The following BCKDHB variants were observed in gnomAD, a reference collection of about 807,000 sequenced individuals.
BCKDHB encodes the protein 2-oxoisovalerate dehydrogenase subunit beta, mitochondrial.
A neutral mutation model predicts 48.5 loss-of-function variants in BCKDHB; 41 were observed. The observed-to-expected ratio is 0.85, with a 90% CI of 0.66 to 1.10. The LOEUF (loss-of-function observed/expected upper bound fraction) is 1.10. Ranked by LOEUF, BCKDHB falls within the 50% of genes least tolerant of loss-of-function variation. The pLI is 0.00. For missense variants in BCKDHB, 496 were observed against 494.2 expected, an observed-to-expected ratio of 1.00 and a Z score of -0.03; for synonymous variants, 201 against 174.8, an observed-to-expected ratio of 1.15 and a Z score of -1.18.
intron 5 of BCKDHB, chr6:80,169,703 C>T (rs1772795291): frequency 4.0e-6 from 4 of 1,000,688 alleles, no homozygotes; most frequent in Non-Finnish European, 5.7e-6. Context: ...TGTAGAAACC[C>T]ATAGATGTGT....
downstream of BCKDHB, among the ~76,000 whole-genome samples, chr6:80,350,352 A>G (rs1000593628): frequency 4.0e-5 from 6 of 151,606 alleles, no homozygotes; most frequent in African/African-American, 1.5e-4. Flanking sequence ...TCCAAATGAG[A>G]AAAAACTAAA....
In BCKDHB at chr6:80,280,097, C is replaced by A. The variant is rs889080177; in HGVS notation, c.1038+6876C>A. Among the ~76,000 whole-genome samples the A allele has an allele frequency of 6.6e-5, 10 of 152,178 alleles. 2 individuals carry two copies. In the South Asian group the frequency reaches 2.1e-3, roughly 32 times the overall value. ...ATGTGAGGCTGTAGCGTAAGGTAAG[C>A]GTTGACAAGTAGGTAAGAATTAGAT... On this transcript the variant is annotated intron_variant, in intron 9 of 9. Coordinates refer to ENST00000320393, the MANE Select transcript of BCKDHB (RefSeq NM_183050.4).
chr6:80,450,434 C>G, the BCKDHB span, among the ~76,000 whole-genome samples: 1 of 151,958 alleles, frequency 6.6e-6, no homozygotes, highest in African/African-American at 2.4e-5. Flanking sequence ...GCACCATTAC[C>G]CACCAGACCC....
chr6:80,370,575 A>C, the BCKDHB span, among the ~76,000 whole-genome samples: 1 of 152,048 alleles, frequency 6.6e-6, no homozygotes, highest in East Asian at 1.9e-4. Context: ...TGAGTCCTCA[A>C]AGTCCATTAT....
intron 6 of BCKDHB, among the ~76,000 whole-genome samples, chr6:80,171,818 G>A (rs1772933111): frequency 1.3e-5 from 2 of 152,084 alleles, no homozygotes; most frequent in South Asian, 4.2e-4. Flanking sequence ...ATGCTGTGCT[G>A]TCAGGTCTAT....
At chr6:80,387,326 G>T in the BCKDHB span, among the ~76,000 whole-genome samples, 1 of 151,986 alleles carries the variant, frequency 6.6e-6, no homozygotes, top group South Asian at 2.1e-4. Flanking sequence ...TATTATGGTG[G>T]GAAAGGCTAA....
At chr6:80,144,479 G>T (rs1395749613) in intron 3 of BCKDHB, among the ~76,000 whole-genome samples, 2 of 152,112 alleles carry the variant, frequency 1.3e-5, no homozygotes, top group Non-Finnish European at 2.9e-5. Context: ...TGCACTAGTT[G>T]TGTTCTCTGT....
downstream of BCKDHB, among the ~76,000 whole-genome samples, chr6:80,350,108 G>A (rs1404650567): frequency 3.3e-5 from 5 of 151,340 alleles, no homozygotes; most frequent in East Asian, 1.9e-4. Flanking sequence ...GTAAATATTC[G>A]AACTACATGG....
At chr6:80,431,954 C>T in the BCKDHB span, among the ~76,000 whole-genome samples, 678 of 152,272 alleles carry the variant, frequency 4.5e-3, 4 homozygotes, top group African/African-American at 0.016. Flanking sequence ...ACTTATGAAG[C>T]TTAGTTTGGC....
chr6:80,205,287 T>A (rs1274411095), intron 8 of BCKDHB, among the ~76,000 whole-genome samples: 1 of 152,042 alleles, frequency 6.6e-6, no homozygotes, highest in African/African-American at 2.4e-5. Context: ...AATTCTATAG[T>A]AACCAAAATT....
At chr6:80,206,713 A>T (rs770108922) in intron 8 of BCKDHB, among the ~76,000 whole-genome samples, 1 of 152,024 alleles carries the variant, frequency 6.6e-6, no homozygotes, top group Admixed American at 6.6e-5. Context: ...TTAATAGAAA[A>T]TGTCCAAATT....
At chr6:80,417,374 T>G in the BCKDHB span, among the ~76,000 whole-genome samples, 1 of 152,308 alleles carries the variant, frequency 6.6e-6, no homozygotes, top group South Asian at 2.1e-4. Context: ...TGTGTGGATT[T>G]GATTCTGTCA....
chr6:80,157,459 ATTTTTTTTT>A (rs36063034), intron 3 of BCKDHB, among the ~76,000 whole-genome samples: 3 of 96,748 alleles, frequency 3.1e-5, no homozygotes, highest in South Asian at 3.6e-4. Context: ...TTGGGTGAGA[ATTTTTTTTT>A]TTTTTTTTTT....
rs564865282 is a variant in BCKDHB, at chr6:80,145,092, T to C, written c.343+15863T>C. Among the ~76,000 whole-genome samples the C allele has an allele frequency of 2.6e-5, 4 of 152,274 alleles. No individual in the cohort carries two copies. The East Asian group carries it at 7.7e-4, about 29-fold the overall frequency. ...AGATCCCCTTCTGCTATTGTTTGTG[T>C]CTGTTTTGGTTTCTAATTTCTGCCA... On this transcript the variant is annotated intron_variant, in intron 3 of 9. Transcript: ENST00000320393.
intron 9 of BCKDHB, among the ~76,000 whole-genome samples, chr6:80,303,232 G>A (rs753490039): frequency 3.9e-5 from 6 of 151,902 alleles, no homozygotes; most frequent in African/African-American, 1.5e-4. Context: ...TCTAGGAAGC[G>A]GATTTGCATA....
rs5877702 is a variant in BCKDHB, at chr6:80,334,637, T to TA, written c.1039-9013dup. Among the ~76,000 whole-genome samples the TA allele has an allele frequency of 1.6e-3, 241 of 149,658 alleles. 2 individuals are homozygous for TA. Among genetic ancestry groups the TA allele is most frequent in the African/African-American group, 4.6e-3 (188 of 40,926 alleles). On this transcript the variant is annotated intron_variant, in intron 9 of 9. Transcript: ENST00000320393. Reference sequence around the variant, plus strand: ...TGCTATGGCACCCAAGATTAACTGTTAAAAAAAAAAAAAAGTTTAATTTTA... The same window carrying TA: ...TGCTATGGCACCCAAGATTAACTGTTAAAAAAAAAAAAAAAGTTTAATTTTA...
chr6:80,146,208 G>T (rs56184211), intron 3 of BCKDHB, among the ~76,000 whole-genome samples: 1 of 152,044 alleles, frequency 6.6e-6, no homozygotes, highest in African/African-American at 2.4e-5. Flanking sequence ...GCTCTGGAAG[G>T]TACTAAAATT....
At chr6:80,238,536 C>T (rs1423047339) in intron 8 of BCKDHB, among the ~76,000 whole-genome samples, 2 of 152,102 alleles carry the variant, frequency 1.3e-5, no homozygotes, top group Non-Finnish European at 2.9e-5. Context: ...GACTCTCCAG[C>T]GCAGCCAAGT....
the BCKDHB span, among the ~76,000 whole-genome samples, chr6:80,424,162 T>G: frequency 6.6e-6 from 1 of 152,186 alleles, no homozygotes; most frequent in South Asian, 2.1e-4. Flanking sequence ...TTGTTTTCAG[T>G]GTTATCAAGA....
Sources: gnomAD v4.1 joint callset for allele counts (sites outside exome capture counted in the v4.1 genomes callset) on GRCh38, gnomAD v4.1.1 for gene constraint, MANE v1.5 for transcripts, NCBI Gene and HGNC (gene_info 2026-07-23, HGNC 2026-07-21) for gene names.